The following SERINC5 variants were observed in gnomAD, a reference collection of about 807,000 sequenced individuals.
The protein encoded by SERINC5 is serine incorporator 5, also known as chromosome 5 open reading frame 12.
In SERINC5, 41 loss-of-function variants were observed where a neutral mutation model predicts 63.1. The ratio of observed to expected loss-of-function variants is 0.65; its 90% CI spans 0.51 to 0.84. SERINC5 has a LOEUF of 0.84. SERINC5 is among the 40% of genes least tolerant of loss of function. The pLI is 0.00. For synonymous variants in SERINC5, 222 were observed against 215.2 expected (o/e 1.03, Z -0.28); for missense variants, 523 against 573.0 (o/e 0.91, Z 0.89).
chr5:80,146,020 A>G (rs558033257), intron 11 of SERINC5, 70 bp downstream of exon 11: 2 of 1,540,670 alleles, frequency 1.3e-6, no homozygotes, highest in South Asian at 1.1e-5. Context: ...AAACAAACAA[A>G]CACGAACAGT....
intron 2 of SERINC5, among the ~76,000 whole-genome samples, chr5:80,190,652 G>C (rs1028396314): frequency 1.3e-5 from 2 of 152,184 alleles, no homozygotes; most frequent in Admixed American, 6.5e-5. Flanking sequence ...TGCTCTACTT[G>C]ATGGATATTT....
At chr5:80,181,879 CA>C (rs1748452609) in intron 2 of SERINC5, among the ~76,000 whole-genome samples, 1 of 152,190 alleles carries the variant, frequency 6.6e-6, no homozygotes, top group Non-Finnish European at 1.5e-5. Context: ...CTTGCACAAC[CA>C]ACCAGATTAA....
chr5:80,233,905 G>A lies in SERINC5; in HGVS notation c.27+21991C>T, dbSNP rs1396839733. 4.3e-5 allele frequency among the ~76,000 whole-genome samples: 6 copies of A among 139,804 alleles called. No homozygotes were observed. The Middle Eastern group carries it at 0.017, about 392-fold the overall frequency. The allele number at this position is 139,804 out of a possible 152,430, so 91.7% of individuals were successfully genotyped here. A position where few individuals can be genotyped will look rare whatever the true frequency, so the allele number is the denominator to read the frequency against. ...CGGCTCACTACAACCTCTGCCTCCC[G>A]GGTTCAAGTGATTCTTCTGCCTCAG... On this transcript the variant is annotated intron_variant, in intron 1 of 11. Transcript: ENST00000507668.
chr5:80,214,768 G>A (rs1371714904), intron 1 of SERINC5, among the ~76,000 whole-genome samples: 2 of 152,072 alleles, frequency 1.3e-5, no homozygotes, highest in East Asian at 1.9e-4. Flanking sequence ...GTGGTGGCAT[G>A]TGCCTGTAAT....
At chr5:80,203,255 C>CAT in intron 1 of SERINC5, 6 of 328,640 alleles carry the variant, frequency 1.8e-5, no homozygotes, top group East Asian at 9.2e-5. Context: ...AATATATATA[C>CAT]ACATATATAT....
chr5:80,142,059 G>GTA lies in SERINC5; in HGVS notation c.*1602_*1603dup. On this transcript the variant is annotated 3_prime_UTR_variant, in exon 12 of 12. Coordinates refer to ENST00000507668, the MANE Select transcript of SERINC5 (RefSeq NM_001174072.3). ...CACTCAATTCTGCCCAACTCATACA[G>GTA]TAGGGCACAGAAAAAAATGACTAGG... 1 of 985,356 alleles carries GTA rather than the reference G, an allele frequency of 1.0e-6. No individual in the cohort carries two copies. The allele number at this position is 985,356 out of a possible 1,614,324, so 61.0% of individuals were successfully genotyped here. A position where few individuals can be genotyped will look rare whatever the true frequency, so the allele number is the denominator to read the frequency against.
intron 7 of SERINC5, among the ~76,000 whole-genome samples, chr5:80,162,543 T>C (rs899872506): frequency 6.6e-6 from 1 of 152,088 alleles, no homozygotes; most frequent in Non-Finnish European, 1.5e-5. Context: ...TCAGCTAATT[T>C]GTAAATTTTT....
intron 1 of SERINC5, among the ~76,000 whole-genome samples, chr5:80,255,357 C>T (rs911250625): frequency 1.1e-4 from 16 of 152,068 alleles, no homozygotes; most frequent in Admixed American, 2.0e-4. Flanking sequence ...TTCGCCCAGA[C>T]CTGCGCCCGG....
intron 1 of SERINC5, among the ~76,000 whole-genome samples, chr5:80,211,602 T>G (rs1750433868): frequency 6.6e-6 from 1 of 152,236 alleles, no homozygotes; most frequent in Admixed American, 6.5e-5. Context: ...GCTGAAACTC[T>G]GCCTTGGAGC....
At chr5:80,255,174 G>A (rs943298544) in intron 1 of SERINC5, 1 of 152,226 alleles carries the variant, frequency 6.6e-6, no homozygotes, top group East Asian at 1.9e-4. Flanking sequence ...TAACTGGTAG[G>A]AGACATAATG....
At chr5:80,248,593 C>T (rs958895982) in intron 1 of SERINC5, among the ~76,000 whole-genome samples, 1 of 152,192 alleles carries the variant, frequency 6.6e-6, no homozygotes, top group African/African-American at 2.4e-5. Flanking sequence ...GGGGTACTAC[C>T]GTATTTAGCC....
At chr5:80,162,242 G>A (rs987809293) in intron 7 of SERINC5, among the ~76,000 whole-genome samples, 3 of 151,970 alleles carry the variant, frequency 2.0e-5, no homozygotes, top group African/African-American at 7.3e-5. Flanking sequence ...GTTTTTCTGT[G>A]AAAAATGTCA....
intron 8 of SERINC5, among the ~76,000 whole-genome samples, chr5:80,152,228 T>C (rs987813866): frequency 2.0e-5 from 3 of 152,084 alleles, no homozygotes; most frequent in African/African-American, 7.2e-5. Flanking sequence ...CGGCTGGGTG[T>C]GGTGGCTCAC....
At position 80,202,956 on chromosome 5, in the gene SERINC5, T is replaced by C. The variant is rs769154770; in HGVS notation, c.125A>G (p.Tyr42Cys). The C allele has an allele frequency of 1.2e-6, 2 of 1,613,548 alleles. No individual in the cohort carries two copies. Among genetic ancestry groups the C allele is most frequent in the African/African-American group, 1.3e-5 (1 of 74,968 alleles). Residue 42 changes from tyrosine (Y) to cysteine (C), a missense_variant, in exon 2 of 12, where the codon TAC (tyrosine) becomes TGC (cysteine). By Grantham distance (194) the Tyr-to-Cys change is radical (BLOSUM62 -2). Transcript: ENST00000507668. ...GCAGAGGACGACGACCAGAATGAAG[T>C]AGAGGGCGTACATGAAGCGGGTGCT... ...SLSTRFMYAL[Y>C]FILVVVLCCI...
At chr5:80,126,756 CTTAT>C (rs1437726431) in intron 11 of SERINC5, among the ~76,000 whole-genome samples, 2 of 151,938 alleles carry the variant, frequency 1.3e-5, no homozygotes, top group South Asian at 2.1e-4. Flanking sequence ...AAAATTTTTG[CTTAT>C]TTGTTTATAT....
intron 2 of SERINC5, among the ~76,000 whole-genome samples, chr5:80,193,035 T>C (rs933058112): frequency 6.6e-6 from 1 of 152,232 alleles, no homozygotes; most frequent in Non-Finnish European, 1.5e-5. Flanking sequence ...GCCAGCTCTA[T>C]GGGGACAATA....
At chr5:80,118,207 AAAAAAT>A (rs1744407672) in intron 11 of SERINC5, among the ~76,000 whole-genome samples, 1 of 152,068 alleles carries the variant, frequency 6.6e-6, no homozygotes, top group Admixed American at 6.6e-5. Context: ...CACCTCAAAA[AAAAAAT>A]AATAATAATA....
chr5:80,190,982 A>T (rs769618385), intron 2 of SERINC5, among the ~76,000 whole-genome samples: 31 of 152,092 alleles, frequency 2.0e-4, no homozygotes, highest in Non-Finnish European at 4.3e-4. Flanking sequence ...TGGATTGTTA[A>T]AGTTTAGGAG....
At chr5:80,253,375 T>C (rs2112622323) in intron 1 of SERINC5, among the ~76,000 whole-genome samples, 1 of 152,024 alleles carries the variant, frequency 6.6e-6, no homozygotes, top group East Asian at 1.9e-4. Flanking sequence ...TCCACTTAGG[T>C]TTTCCTCACC....
Sources: gnomAD v4.1 joint callset for allele counts (sites outside exome capture counted in the v4.1 genomes callset) on GRCh38, gnomAD v4.1.1 for gene constraint, MANE v1.5 for transcripts, NCBI Gene and HGNC (gene_info 2026-07-23, HGNC 2026-07-21) for gene names.